Variants in MEI4 observed in about 807,000 individuals in gnomAD.
MEI4 encodes the protein meiotic double-stranded break formation protein 4, also known as meiosis-specific protein MEI4.
Under a neutral mutation model 31.4 loss-of-function variants are expected in MEI4, and 27 were observed. The observed-to-expected ratio is 0.86, with a 90% CI of 0.63 to 1.19. MEI4 has a LOEUF of 1.19. Among genes scored for constraint, MEI4 ranks in the 50% most tolerant of loss-of-function variants. MEI4 has a pLI of 0.00. For synonymous variants in MEI4, 122 were observed against 145.4 expected, an observed-to-expected ratio of 0.84 and a Z score of 1.16; for missense variants, 329 against 398.9, an observed-to-expected ratio of 0.82 and a Z score of 1.49.
chr6:77,671,296 G>A (rs181214797), intron 1 of MEI4, among the ~76,000 whole-genome samples: 1 of 152,034 alleles, frequency 6.6e-6, no homozygotes, highest in African/African-American at 2.4e-5. Flanking sequence ...CTGACCTCAG[G>A]TGATCTGCCT....
intron 1 of MEI4, among the ~76,000 whole-genome samples, chr6:77,657,605 T>TTA (rs1265823811): frequency 6.6e-6 from 1 of 152,090 alleles, no homozygotes; most frequent in African/African-American, 2.4e-5. Flanking sequence ...CTTGGATTTT[T>TTA]TTTTTTACTC....
At chr6:77,699,459 TG>T (rs1392227214) in intron 2 of MEI4, among the ~76,000 whole-genome samples, 1 of 152,216 alleles carries the variant, frequency 6.6e-6, no homozygotes, top group Non-Finnish European at 1.5e-5. Flanking sequence ...CCCAAAGTGC[TG>T]GGATTACAGG....
chr6:77,748,808 C>T (rs982539483), intron 2 of MEI4, among the ~76,000 whole-genome samples: 4 of 152,160 alleles, frequency 2.6e-5, no homozygotes, highest in Admixed American at 2.0e-4. Context: ...TATAGATTTT[C>T]TAAGTCATCT....
At chr6:77,680,927 CTTTGAG>C (rs1451282771) in intron 1 of MEI4, among the ~76,000 whole-genome samples, 2 of 151,862 alleles carry the variant, frequency 1.3e-5, no homozygotes, top group Non-Finnish European at 2.9e-5. Flanking sequence ...TGGGACTGCA[CTTTGAG>C]TTTGTTATCT....
chr6:77,744,052 A>G (rs1767505171), intron 2 of MEI4, among the ~76,000 whole-genome samples: 1 of 152,234 alleles, frequency 6.6e-6, no homozygotes, highest in Non-Finnish European at 1.5e-5. Flanking sequence ...AACTCTAAAA[A>G]GCAGAGCACC....
intron 3 of MEI4, among the ~76,000 whole-genome samples, chr6:77,767,715 A>T (rs1768211136): frequency 6.6e-6 from 1 of 152,000 alleles, no homozygotes; most frequent in Non-Finnish European, 1.5e-5. Context: ...ACACACACAC[A>T]CACACGGAAA....
chr6:77,792,520 C>A (rs1768964926), intron 3 of MEI4, among the ~76,000 whole-genome samples: 1 of 152,154 alleles, frequency 6.6e-6, no homozygotes, highest in East Asian at 1.9e-4. Flanking sequence ...GAGGTGACAT[C>A]TTTTTGGATC....
At chr6:77,773,754 G>A (rs1025208532) in intron 3 of MEI4, among the ~76,000 whole-genome samples, 3 of 152,036 alleles carry the variant, frequency 2.0e-5, no homozygotes, top group Admixed American at 1.3e-4. Flanking sequence ...GGAAATATCT[G>A]TAAACTACTC....
In MEI4 at chr6:77,800,304, C is replaced by G. The variant is rs553503226; in HGVS notation, c.769-28627C>G. Among the ~76,000 whole-genome samples the G allele has an allele frequency of 9.1e-3, 1,388 of 151,870 alleles. 15 individuals carry two copies. Among genetic ancestry groups the G allele is most frequent in the African/African-American group, 0.031 (1,282 of 41,402 alleles). On this transcript the variant is annotated intron_variant, in intron 3 of 4. Transcript: ENST00000684080. ...TGATTCGGCTCTCTGTTTGTCTGTT[C>G]TTGGTGTATAAGAATGCTTGTGATT...
rs375105079 is a variant in MEI4, at chr6:77,781,189, T to A, written c.768+19524T>A. Among the ~76,000 whole-genome samples, 97 of 152,306 alleles carry A rather than the reference T, an allele frequency of 6.4e-4. 2 individuals carry two copies. In the South Asian group the frequency reaches 0.02, roughly 31 times the overall value. ...CTGGAATCATAGGTTTAAGCTACCA[T>A]ATCTGGCCAGATTTACTTTTAAAAT... On this transcript the variant is annotated intron_variant, in intron 3 of 4. Transcript: ENST00000684080.
chr6:77,811,998 T>C (rs752967891), intron 3 of MEI4, among the ~76,000 whole-genome samples: 1 of 152,164 alleles, frequency 6.6e-6, no homozygotes, highest in African/African-American at 2.4e-5. Flanking sequence ...CATAAAGTGA[T>C]GTATTTTAGG....
intron 3 of MEI4, among the ~76,000 whole-genome samples, chr6:77,788,243 G>A (rs1768804246): frequency 6.6e-6 from 1 of 152,112 alleles, no homozygotes; most frequent in Admixed American, 6.6e-5. Flanking sequence ...GGTATTGATG[G>A]GATGTACCTC....
chr6:77,872,011 C>T (rs545280384), intron 4 of MEI4, among the ~76,000 whole-genome samples: 1 of 152,234 alleles, frequency 6.6e-6, no homozygotes, highest in Admixed American at 6.5e-5. Flanking sequence ...ATCTAAATTT[C>T]CCCAAGACTC....
upstream of MEI4, among the ~76,000 whole-genome samples, chr6:77,650,858 G>A (rs1279007206): frequency 6.6e-6 from 1 of 152,230 alleles, no homozygotes; most frequent in Admixed American, 6.5e-5. Flanking sequence ...AGCCTGGCTT[G>A]ACCACCAAAA....
chr6:77,761,092 C>T (rs1768033428), intron 2 of MEI4, 38 bp from the exon 3 acceptor site: 1 of 1,217,494 alleles, frequency 8.2e-7, no homozygotes, highest in African/African-American at 1.6e-5. Flanking sequence ...GAAATTTCAG[C>T]TGCATGAAGA....
chr6:77,695,028 T>A (rs1254900763), intron 2 of MEI4, among the ~76,000 whole-genome samples: 1 of 152,196 alleles, frequency 6.6e-6, no homozygotes, highest in Non-Finnish European at 1.5e-5. Context: ...GATGAGCATT[T>A]TTTCATATGT....
intron 4 of MEI4, among the ~76,000 whole-genome samples, chr6:77,849,247 G>T (rs1398308409): frequency 2.0e-5 from 3 of 152,156 alleles, no homozygotes; most frequent in African/African-American, 7.2e-5. Context: ...ATGTTTTAAT[G>T]TAGAGAACAA....
At chr6:77,887,859 G>A (rs1044426236) in intron 4 of MEI4, among the ~76,000 whole-genome samples, 13 of 152,200 alleles carry the variant, frequency 8.5e-5, no homozygotes, top group African/African-American at 3.1e-4. Context: ...TGCTAGGAAG[G>A]GGATGTTGGA....
At chr6:77,867,442 T>G (rs1305060664) in intron 4 of MEI4, among the ~76,000 whole-genome samples, 3 of 152,182 alleles carry the variant, frequency 2.0e-5, no homozygotes, top group Non-Finnish European at 2.9e-5. Context: ...AAGACATTTA[T>G]GTAGCCAAAA....
Sources: gnomAD v4.1 joint callset for allele counts (sites outside exome capture counted in the v4.1 genomes callset) on GRCh38, gnomAD v4.1.1 for gene constraint, MANE v1.5 for transcripts, NCBI Gene and HGNC (gene_info 2026-07-23, HGNC 2026-07-21) for gene names.